LATS2: variants seen among roughly 807,000 people sequenced by gnomAD.
The protein encoded by LATS2 is large tumor suppressor kinase 2.
Under a neutral mutation model 76.0 loss-of-function variants are expected in LATS2, and 24 were observed. The ratio of observed to expected loss-of-function variants is 0.32; its 90% CI spans 0.23 to 0.44. The LOEUF is 0.44. Ranked by LOEUF, LATS2 falls within the 20% of genes least tolerant of loss-of-function variation. The probability of loss-of-function intolerance (pLI) is 1.00; values close to 1 mark genes in which losing one functional copy is unlikely to be tolerated. For missense variants in LATS2, 1,286 were observed against 1,481.2 expected (o/e 0.87, Z 2.16); for synonymous variants, 692 against 635.4 (o/e 1.09, Z -1.34).
In LATS2 at chr13:20,973,389, T is replaced by A. The variant is rs577874427; in HGVS notation, c.*1481A>T. On this transcript the variant is annotated 3_prime_UTR_variant, in exon 8 of 8. Transcript: ENST00000382592. ...CTTCAAGGAAAAATATGTGGAATAA[T>A]ATAATGAAAATTATGAAGCATCAGA... is the stretch of plus-strand genomic sequence containing the variant. The A allele has an allele frequency of 2.2e-5, 5 of 231,662 alleles. No homozygotes were observed. Among genetic ancestry groups the A allele is most frequent in the Non-Finnish European group, 4.3e-5 (5 of 117,070 alleles). 14.4% of individuals were successfully genotyped at this position (231,662 alleles called of 1,614,324 possible). A position where few individuals can be genotyped will look rare whatever the true frequency, so the allele number is the denominator to read the frequency against.
rs1040122771 is a variant in LATS2 at position 21,046,218 on chromosome 13, A to G, written c.-192T>C. 1 of 490,818 alleles carries G rather than the reference A, an allele frequency of 2.0e-6. No homozygotes were observed. Among genetic ancestry groups the G allele is most frequent in the Non-Finnish European group, 3.6e-6 (1 of 278,978 alleles). The allele number at this position is 490,818 out of a possible 1,614,324, so 30.4% of individuals were successfully genotyped here. Reference sequence around the variant, plus strand: ...AAATTTTCCAAAGTCTTCATTTTGAAGATTATCACTCTCTGAAAAAGAAAA... The same window carrying G: ...AAATTTTCCAAAGTCTTCATTTTGAGGATTATCACTCTCTGAAAAAGAAAA... On this transcript the variant is annotated 5_prime_UTR_variant, in exon 2 of 8. Transcript: ENST00000382592.
In LATS2 at chr13:20,991,606, C is replaced by A. The variant is rs376649294; in HGVS notation, c.343-202G>T. Among the ~76,000 whole-genome samples the A allele has an allele frequency of 1.0e-3, 155 of 152,296 alleles. No homozygotes were observed. Among genetic ancestry groups the A allele is most frequent in the African/African-American group, 3.3e-3 (139 of 41,558 alleles). On this transcript the variant is annotated intron_variant, in intron 2 of 7. Transcript: ENST00000382592. This position sits in a 1 kb window ranked among gnomAD's most constrained non-coding sequence, Gnocchi z 4.9. Reference sequence around the variant, plus strand: ...GGTACCTGATGGCAAAAGCCTAGCACAAGCCACACCATAGACTATTTAGCC... The same window carrying A: ...GGTACCTGATGGCAAAAGCCTAGCAAAAGCCACACCATAGACTATTTAGCC...
chr13:21,008,196 A>G (rs1446925011), intron 2 of LATS2, among the ~76,000 whole-genome samples: 1 of 150,560 alleles, frequency 6.6e-6, no homozygotes, highest in Non-Finnish European at 1.5e-5. Context: ...GCCAGCTACT[A>G]CTGTAGGACA....
chr13:20,984,077 C>T (rs998340380), intron 4 of LATS2, among the ~76,000 whole-genome samples: 3 of 152,114 alleles, frequency 2.0e-5, no homozygotes, highest in African/African-American at 7.2e-5. Flanking sequence ...ACTACATGTG[C>T]CCGCCACCAT....
At chr13:21,025,763 CG>C (rs1565958548) in intron 2 of LATS2, among the ~76,000 whole-genome samples, 1 of 151,904 alleles carries the variant, frequency 6.6e-6, no homozygotes, top group East Asian at 1.9e-4. Context: ...GTCCTCTGCA[CG>C]GAGGAGGAAG....
rs375183194 is a variant in LATS2, at chr13:20,983,962, G to A, written c.1900-156C>T. 5.6e-4 allele frequency among the ~76,000 whole-genome samples: 86 copies of A among 152,272 alleles called. 1 individual carries two copies. The East Asian group carries it at 0.011, about 19-fold the overall frequency. ...TGGGTCTCATATACTACAGAGTCTC[G>A]CTCTGTCGCCTAGGCTGGAGTGCAG... On this transcript the variant is annotated intron_variant, in intron 4 of 7. Coordinates refer to ENST00000382592, the MANE Select transcript of LATS2 (RefSeq NM_014572.3).
chr13:21,008,757 C>A (rs77270864), intron 2 of LATS2, among the ~76,000 whole-genome samples: 3,185 of 152,162 alleles, frequency 0.021, 108 homozygotes, highest in African/African-American at 0.074. Context: ...TAAATTGGTA[C>A]AATCACACAG....
intron 2 of LATS2, among the ~76,000 whole-genome samples, chr13:21,028,118 T>C (rs888914947): frequency 6.6e-6 from 1 of 151,936 alleles, no homozygotes; most frequent in African/African-American, 2.4e-5. Flanking sequence ...TGTGATGTTC[T>C]CCTTCCTGTG....
chr13:20,984,881 A>G (rs7990406), intron 4 of LATS2, among the ~76,000 whole-genome samples: 8,042 of 152,222 alleles, frequency 0.053, 736 homozygotes, highest in African/African-American at 0.18. Flanking sequence ...AAAAGAACAA[A>G]ATTGTTACCT....
chr13:20,977,773 T>C (rs1365201432), intron 7 of LATS2, among the ~76,000 whole-genome samples: 1 of 113,384 alleles, frequency 8.8e-6, no homozygotes, highest in Non-Finnish European at 1.8e-5. Flanking sequence ...GTTATGTATA[T>C]TTTACCAGAA....
chr13:20,989,496 C>G lies in LATS2; in HGVS notation c.476-192G>C, dbSNP rs544709514. 1.7e-4 allele frequency among the ~76,000 whole-genome samples: 26 copies of G among 152,284 alleles called. No homozygotes were observed. The South Asian group carries it at 5.2e-3, about 30-fold the overall frequency. ...TGCCCTGCCAGCAGGACCAGTTGCC[C>G]TAATGTGTTAGCAGAGTGGAGACAA... On this transcript the variant is annotated intron_variant, in intron 3 of 7. Coordinates refer to ENST00000382592, the MANE Select transcript of LATS2 (RefSeq NM_014572.3).
At chr13:21,016,147 G>A (rs1222449553) in intron 2 of LATS2, among the ~76,000 whole-genome samples, 1 of 151,246 alleles carries the variant, frequency 6.6e-6, no homozygotes, top group Non-Finnish European at 1.5e-5. Flanking sequence ...TCGCCATCAT[G>A]CCCAGCTAAT....
intron 2 of LATS2, among the ~76,000 whole-genome samples, chr13:21,008,669 T>C (rs942382325): frequency 1.3e-5 from 2 of 152,152 alleles, no homozygotes; most frequent in African/African-American, 2.4e-5. Flanking sequence ...GATTGACAAA[T>C]ACTTTAAATA....
intron 7 of LATS2, among the ~76,000 whole-genome samples, chr13:20,976,569 T>C (rs1869633311): frequency 6.6e-6 from 1 of 151,856 alleles, no homozygotes; most frequent in Non-Finnish European, 1.5e-5. Flanking sequence ...CCAGAGAAAA[T>C]ACAGAACTCC....
At chr13:20,995,878 TAC>T (rs376277723) in intron 2 of LATS2, among the ~76,000 whole-genome samples, 136 of 152,318 alleles carry the variant, frequency 8.9e-4, no homozygotes, top group African/African-American at 2.9e-3. Flanking sequence ...ACTAATTATT[TAC>T]AGAGTAATGT....
chr13:21,053,728 T>C (rs1873357009), intron 1 of LATS2, among the ~76,000 whole-genome samples: 1 of 152,134 alleles, frequency 6.6e-6, no homozygotes, highest in Non-Finnish European at 1.5e-5. Context: ...CTATGGCATA[T>C]TATTCAGCTA....
At chr13:21,009,075 G>T (rs1226508252) in intron 2 of LATS2, among the ~76,000 whole-genome samples, 1 of 152,196 alleles carries the variant, frequency 6.6e-6, no homozygotes, top group African/African-American at 2.4e-5. Flanking sequence ...TTGCCCCCTT[G>T]TCCTGCCAGC....
At chr13:21,050,125 C>CAGAT (rs1555228130) in intron 1 of LATS2, among the ~76,000 whole-genome samples, 822 of 69,916 alleles carry the variant, frequency 0.012, 96 homozygotes, top group African/African-American at 0.023. Context: ...GTCTCATAGA[C>CAGAT]AGATAGATAG....
chr13:20,975,341 G>A lies in LATS2; in HGVS notation c.2796C>T (p.Leu932=), dbSNP rs770296932. The change falls in exon 8 of 8, where the codon CTC becomes CTT. Residue 932 remains leucine, a synonymous_variant. Coordinates refer to ENST00000382592, the MANE Select transcript of LATS2 (RefSeq NM_014572.3). ...QLKVINWENT[L]HIPAQVKLSP... ...TCAGCTTCACCTGGGCTGGAATGTG[G>A]AGCGTGTTCTCCCAGTTGATCACCT... 5 of 1,575,820 alleles carry A rather than the reference G, an allele frequency of 3.2e-6. No homozygotes were observed. In the South Asian group the frequency reaches 4.7e-5, roughly 15 times the overall value.
Sources: allele counts gnomAD v4.1 joint callset (sites outside exome capture counted in the v4.1 genomes callset), GRCh38; gene constraint gnomAD v4.1.1; non-coding constraint Gnocchi (gnomAD v3.1); transcripts MANE v1.5; gene names NCBI Gene and HGNC (gene_info 2026-07-23, HGNC 2026-07-21).